SNX29: variants seen among roughly 807,000 people sequenced by gnomAD.
SNX29 encodes sorting nexin 29, also known as sorting nexin-29.
Under a neutral mutation model 102.1 loss-of-function variants are expected in SNX29, and 78 were observed. That is an observed-to-expected ratio of 0.76 (90% confidence interval 0.64 to 0.92). The LOEUF (loss-of-function observed/expected upper bound fraction) is 0.92. Ranked by LOEUF, SNX29 falls within the 40% of genes least tolerant of loss-of-function variation. The pLI, the probability that SNX29 is intolerant of heterozygous loss-of-function variation, is 0.00. For synonymous variants in SNX29, 580 were observed against 414.5 expected (o/e 1.40, Z -4.85); for missense variants, 1,280 against 1,061.7 (o/e 1.21, Z -2.86).
intron 15 of SNX29, among the ~76,000 whole-genome samples, chr16:12,329,322 G>T (rs1025808339): frequency 3.4e-5 from 5 of 149,130 alleles, no homozygotes; most frequent in Non-Finnish European, 5.9e-5. Context: ...AGTAGCTCTA[G>T]GCGTCCATCT....
At chr16:12,480,824 G>A (rs2151829599) in intron 19 of SNX29, among the ~76,000 whole-genome samples, 1 of 152,344 alleles carries the variant, frequency 6.6e-6, no homozygotes, top group East Asian at 1.9e-4. Context: ...AAGAGGGCAT[G>A]AAGCTGTCCT....
intron 14 of SNX29, among the ~76,000 whole-genome samples, chr16:12,226,574 C>CTT (rs33956641): frequency 0.41 from 54,515 of 132,996 alleles, 13,259 homozygotes; most frequent in Non-Finnish European, 0.55. Flanking sequence ...ACTGAGCCTT[C>CTT]TTTTTTTTTT....
At chr16:12,016,084 C>T (rs1466597898) in intron 3 of SNX29, among the ~76,000 whole-genome samples, 1 of 151,856 alleles carries the variant, frequency 6.6e-6, no homozygotes, top group Non-Finnish European at 1.5e-5. Flanking sequence ...AGGCTGGTCT[C>T]AAATTCCTGA....
intron 19 of SNX29, among the ~76,000 whole-genome samples, chr16:12,493,429 T>C (rs1054317044): frequency 6.6e-6 from 1 of 152,214 alleles, no homozygotes; most frequent in African/African-American, 2.4e-5. Flanking sequence ...CTTAAGGAGA[T>C]TTTGGGCTGA....
intron 18 of SNX29, among the ~76,000 whole-genome samples, chr16:12,422,191 C>T (rs970279692): frequency 2.6e-5 from 4 of 152,222 alleles, no homozygotes; most frequent in East Asian, 3.8e-4. Context: ...AGGTTTGCAG[C>T]TTCCTCTGCC....
chr16:12,460,864 G>C (rs1199452142), intron 18 of SNX29, among the ~76,000 whole-genome samples: 1 of 152,050 alleles, frequency 6.6e-6, no homozygotes, highest in Non-Finnish European at 1.5e-5. Context: ...TCGCCATGTT[G>C]GCCAGGCTGG....
intron 3 of SNX29, among the ~76,000 whole-genome samples, chr16:12,016,100 A>G (rs1316511850): frequency 1.4e-5 from 2 of 144,080 alleles, no homozygotes; most frequent in Non-Finnish European, 3.1e-5. Flanking sequence ...CCTGACCTCA[A>G]GTGATCTGCC....
chr16:12,175,353 G>C (rs746355983), intron 13 of SNX29, among the ~76,000 whole-genome samples: 1 of 152,042 alleles, frequency 6.6e-6, no homozygotes, highest in Non-Finnish European at 1.5e-5. Flanking sequence ...GGTCATAAGT[G>C]GGGGGCTGGC....
intron 11 of SNX29, among the ~76,000 whole-genome samples, chr16:12,101,248 A>G (rs144574218): frequency 4.6e-3 from 665 of 143,752 alleles, no homozygotes; most frequent in Middle Eastern, 8.2e-3. Flanking sequence ...AGGGCTCTGC[A>G]TTATTTTCTT....
At chr16:12,471,767 C>T (rs1567598474) in intron 18 of SNX29, among the ~76,000 whole-genome samples, 1 of 152,236 alleles carries the variant, frequency 6.6e-6, no homozygotes, top group Non-Finnish European at 1.5e-5. Context: ...GTTTATGGTT[C>T]AATTAATTTT....
At chr16:12,289,642 A>T (rs1462942435) in intron 15 of SNX29, among the ~76,000 whole-genome samples, 2 of 152,290 alleles carry the variant, frequency 1.3e-5, no homozygotes, top group South Asian at 4.1e-4. Context: ...CGAACAGATG[A>T]ACTTCCTTAG....
chr16:12,262,968 T>C (rs2078823087), intron 14 of SNX29, among the ~76,000 whole-genome samples: 1 of 152,186 alleles, frequency 6.6e-6, no homozygotes, highest in Non-Finnish European at 1.5e-5. Flanking sequence ...ATCTTTTGAA[T>C]GCAGTAGACT....
chr16:12,344,581 A>G (rs75045121), intron 15 of SNX29, among the ~76,000 whole-genome samples: 9,093 of 152,310 alleles, frequency 0.06, 895 homozygotes, highest in African/African-American at 0.21. Flanking sequence ...TATTGAAGAT[A>G]AGTTTCTTAA....
At chr16:12,444,927 C>T (rs568447600) in intron 18 of SNX29, among the ~76,000 whole-genome samples, 1 of 150,298 alleles carries the variant, frequency 6.7e-6, no homozygotes, top group Non-Finnish European at 1.5e-5. Flanking sequence ...CCTCAGCTCA[C>T]TGCAACCCCT....
intron 16 of SNX29, among the ~76,000 whole-genome samples, chr16:12,371,228 A>ACCTTCCTT (rs35413938): frequency 4.6e-5 from 7 of 151,780 alleles, no homozygotes; most frequent in African/African-American, 1.7e-4. Flanking sequence ...CTTTGGACCA[A>ACCTTCCTT]CCTTCCTTCC....
chr16:12,065,496 T>G (rs962526475), intron 9 of SNX29, among the ~76,000 whole-genome samples: 1 of 152,192 alleles, frequency 6.6e-6, no homozygotes, highest in Non-Finnish European at 1.5e-5. Flanking sequence ...CTTTGAAACC[T>G]TGGGTCCTCA....
intron 1 of SNX29, among the ~76,000 whole-genome samples, chr16:11,995,985 G>T (rs1219370861): frequency 1.3e-5 from 2 of 151,622 alleles, no homozygotes; most frequent in African/African-American, 2.4e-5. Flanking sequence ...GCTTGAACCT[G>T]GGAGGTGGAG....
intron 15 of SNX29, among the ~76,000 whole-genome samples, chr16:12,321,204 C>T (rs975595239): frequency 3.3e-5 from 5 of 152,166 alleles, no homozygotes; most frequent in Non-Finnish European, 5.9e-5. Flanking sequence ...AGTTACCACT[C>T]CTGCTCAGAC....
At chr16:12,472,947 G>T (rs1438554505) in intron 18 of SNX29, among the ~76,000 whole-genome samples, 1 of 152,054 alleles carries the variant, frequency 6.6e-6, no homozygotes, top group Non-Finnish European at 1.5e-5. Flanking sequence ...AAGGAGATCC[G>T]ACATAAAGTG....
Sources: allele counts gnomAD v4.1 joint callset (sites outside exome capture counted in the v4.1 genomes callset), GRCh38; gene constraint gnomAD v4.1.1; transcripts MANE v1.5; gene names NCBI Gene and HGNC (gene_info 2026-07-23, HGNC 2026-07-21).